The following PCCB variants were observed in gnomAD, a reference collection of about 807,000 sequenced individuals.
The protein encoded by PCCB is propionyl-CoA carboxylase subunit beta, also known as propionyl-CoA carboxylase beta chain, mitochondrial.
A neutral mutation model predicts 60.7 loss-of-function variants in PCCB; 43 were observed. The ratio of observed to expected loss-of-function variants is 0.71; its 90% CI spans 0.55 to 0.91. The LOEUF (loss-of-function observed/expected upper bound fraction) is 0.91. PCCB is among the 40% of genes least tolerant of loss of function. The pLI, the probability that PCCB is intolerant of heterozygous loss-of-function variation, is 0.00. For missense variants in PCCB, 766 were observed against 702.8 expected, an observed-to-expected ratio of 1.09 and a Z score of -1.02; for synonymous variants, 276 against 255.9, an observed-to-expected ratio of 1.08 and a Z score of -0.75.
intron 6 of PCCB, among the ~76,000 whole-genome samples, chr3:136,292,212 GAAAC>G (rs927747933): frequency 2.6e-5 from 4 of 151,062 alleles, no homozygotes; most frequent in Non-Finnish European, 5.9e-5. Flanking sequence ...TGCTGGACTA[GAAAC>G]CTGAAATTTT....
intron 6 of PCCB, among the ~76,000 whole-genome samples, chr3:136,293,177 A>C (rs887191426): frequency 6.6e-6 from 1 of 152,090 alleles, no homozygotes; most frequent in Non-Finnish European, 1.5e-5. Flanking sequence ...AATTGAAACA[A>C]ATTTTTATGG....
At chr3:136,300,941 T>C (rs1427360123) in intron 8 of PCCB, 89 bp from the exon 9 acceptor site, 2 of 903,774 alleles carry the variant, frequency 2.2e-6, no homozygotes, top group Non-Finnish European at 3.7e-6. Context: ...CCCTATGACG[T>C]GTCACCCCAT....
At chr3:136,319,386 ATTT>A (rs796339351) in intron 10 of PCCB, among the ~76,000 whole-genome samples, 1 of 138,264 alleles carries the variant, frequency 7.2e-6, no homozygotes, top group Non-Finnish European at 1.6e-5. Flanking sequence ...TTGATACACA[ATTT>A]TTTTTTTTTT....
chr3:136,257,376 C>T (rs1941700285), intron 3 of PCCB, among the ~76,000 whole-genome samples: 1 of 152,170 alleles, frequency 6.6e-6, no homozygotes, highest in Non-Finnish European at 1.5e-5. Flanking sequence ...AACACATTTT[C>T]CCCTGGAGCC....
intron 3 of PCCB, among the ~76,000 whole-genome samples, chr3:136,259,420 ACG>A (rs1941762593): frequency 6.6e-6 from 1 of 152,146 alleles, no homozygotes. Flanking sequence ...AGCCAAGATT[ACG>A]CCACTGCACT....
rs921505102 is a variant in PCCB, at chr3:136,297,328, A to G, written c.764-624A>G. ...GACCGTAGGGGCAATGGTGAAAGAA[A>G]GGAGTCTGGTGGGATGAACCTGGGG... On this transcript the variant is annotated intron_variant, in intron 7 of 14. Transcript: ENST00000251654. 2.1e-4 allele frequency among the ~76,000 whole-genome samples: 32 copies of G among 152,174 alleles called. 1 individual carries two copies. Among genetic ancestry groups the G allele is most frequent in the Admixed American group, 2.1e-3 (32 of 15,270 alleles).
intron 10 of PCCB, among the ~76,000 whole-genome samples, chr3:136,319,459 C>T (rs752288148): frequency 1.5e-4 from 22 of 150,600 alleles, no homozygotes; most frequent in Non-Finnish European, 2.4e-4. Flanking sequence ...TGCAATGGTA[C>T]GATCTCGGCT....
chr3:136,312,447 G>C (rs1315449015), intron 9 of PCCB, among the ~76,000 whole-genome samples: 4 of 152,202 alleles, frequency 2.6e-5, no homozygotes, highest in Admixed American at 1.3e-4. Flanking sequence ...TCATTGACCA[G>C]AACCTCTTTG....
rs774121600 is a variant in PCCB, at chr3:136,299,594, GTGTA to G, written c.885-1426_885-1423del. On this transcript the variant is annotated intron_variant, in intron 8 of 14. Coordinates refer to ENST00000251654, the MANE Select transcript of PCCB (RefSeq NM_000532.5). ...TGCATGTGTATGTATAGGTATGCAT[GTGTA>G]TGTATGTATATGCATGTGTATGTAT... 2.9e-4 allele frequency among the ~76,000 whole-genome samples: 30 copies of G among 102,746 alleles called. 1 individual carries two copies. Among genetic ancestry groups the G allele is most frequent in the East Asian group, 4.3e-4 (2 of 4,600 alleles). The allele number at this position is 102,746 out of a possible 152,430, so 67.4% of individuals were successfully genotyped here.
chr3:136,261,622 G>A (rs923308827), intron 4 of PCCB, among the ~76,000 whole-genome samples: 12 of 152,200 alleles, frequency 7.9e-5, no homozygotes. Flanking sequence ...TTCTGTCAAA[G>A]CAGTACCTGG....
At chr3:136,283,752 T>G (rs1942539685) in intron 5 of PCCB, 85 bp from the exon 6 acceptor site, 2 of 970,046 alleles carry the variant, frequency 2.1e-6, no homozygotes, top group Non-Finnish European at 3.3e-6. Flanking sequence ...AAGCCAAATG[T>G]TATCTTATTG....
At chr3:136,291,499 T>G (rs2108193786) in intron 6 of PCCB, among the ~76,000 whole-genome samples, 1 of 152,304 alleles carries the variant, frequency 6.6e-6, no homozygotes, top group African/African-American at 2.4e-5. Context: ...AAGTGTTCTG[T>G]AGTCTTATGA....
chr3:136,317,850 C>T (rs1934965279), intron 10 of PCCB, among the ~76,000 whole-genome samples: 1 of 152,158 alleles, frequency 6.6e-6, no homozygotes, highest in Admixed American at 6.5e-5. Flanking sequence ...TGATTCGCAG[C>T]CAAGTGAGGG....
At chr3:136,316,907 C>A (rs987470974) in intron 9 of PCCB, 34 bp from the exon 10 acceptor site, 1 of 1,612,168 alleles carries the variant, frequency 6.2e-7, no homozygotes, top group African/African-American at 1.3e-5. Context: ...TTGTCTTTAC[C>A]ATTTTGAGCT....
chr3:136,313,207 G>C (rs66895236), intron 9 of PCCB, among the ~76,000 whole-genome samples: 1 of 152,112 alleles, frequency 6.6e-6, no homozygotes. Context: ...CCCATTCCTA[G>C]CAATTTACCC....
chr3:136,255,038 G>T (rs563125801), intron 1 of PCCB, among the ~76,000 whole-genome samples: 2 of 151,872 alleles, frequency 1.3e-5, no homozygotes, highest in Non-Finnish European at 2.9e-5. Flanking sequence ...CACCACACCC[G>T]GCTTATTTTG....
At chr3:136,268,764 C>G (rs992964226) in intron 5 of PCCB, among the ~76,000 whole-genome samples, 2 of 151,904 alleles carry the variant, frequency 1.3e-5, no homozygotes, top group South Asian at 2.1e-4. Context: ...GCACCCAGCC[C>G]GATCAGCTCT....
At chr3:136,312,444 C>T (rs1396657201) in intron 9 of PCCB, among the ~76,000 whole-genome samples, 1 of 152,176 alleles carries the variant, frequency 6.6e-6, no homozygotes, top group Non-Finnish European at 1.5e-5. Context: ...TTGTCATTGA[C>T]CAGAACCTCT....
rs1298793935 is a variant in PCCB, at chr3:136,298,040, C to T, written c.852C>T (p.Asp284=). The T allele has an allele frequency of 1.2e-6, 2 of 1,614,144 alleles. No homozygotes were observed. The highest frequency in any genetic ancestry group is 1.7e-6 in the Non-Finnish European group (2 of 1,180,002). The stretch of plus-strand genomic sequence containing the variant: ...ACTACCTGCCCCTGAGCAGTCAGGA[C>T]CCGGCTCCCGTCCGTGAGTGCCACG... ...FFNYLPLSSQ[D]PAPVRECHDP... The change falls in exon 8 of 15, where the codon GAC becomes GAT. Residue 284 remains aspartate, a synonymous_variant. Coordinates refer to ENST00000251654, the MANE Select transcript of PCCB (RefSeq NM_000532.5).
Sources: gnomAD v4.1 joint callset for allele counts (sites outside exome capture counted in the v4.1 genomes callset) on GRCh38, gnomAD v4.1.1 for gene constraint, MANE v1.5 for transcripts, NCBI Gene and HGNC (gene_info 2026-07-23, HGNC 2026-07-21) for gene names.